Variants in GRID2 observed in about 807,000 individuals in gnomAD.
GRID2 encodes the protein glutamate ionotropic receptor delta type subunit 2, also known as glutamate receptor ionotropic, delta-2.
A neutral mutation model predicts 114.8 loss-of-function variants in GRID2; 33 were observed. The observed-to-expected ratio is 0.29, with a 90% CI of 0.22 to 0.38. The LOEUF (loss-of-function observed/expected upper bound fraction) is 0.38. GRID2 is among the 10% of genes least tolerant of loss of function. The pLI, the probability that GRID2 is intolerant of heterozygous loss-of-function variation, is 1.00. For synonymous variants in GRID2, 505 were observed against 449.9 expected, an observed-to-expected ratio of 1.12 and a Z score of -1.55; for missense variants, 1,184 against 1,257.7, an observed-to-expected ratio of 0.94 and a Z score of 0.89.
chr4:93,572,206 G>A (rs1015350546), intron 13 of GRID2, among the ~76,000 whole-genome samples: 4 of 152,032 alleles, frequency 2.6e-5, no homozygotes, highest in African/African-American at 9.7e-5. Context: ...TGAACTATCT[G>A]ATACGTCTAT....
At chr4:93,385,575 A>C (rs1156465850) in intron 8 of GRID2, among the ~76,000 whole-genome samples, 1 of 152,178 alleles carries the variant, frequency 6.6e-6, no homozygotes, top group Non-Finnish European at 1.5e-5. Flanking sequence ...AGAAGAGGCA[A>C]AGATCTTTGC....
At chr4:92,453,206 G>A (rs1042641812) in intron 1 of GRID2, among the ~76,000 whole-genome samples, 4 of 152,104 alleles carry the variant, frequency 2.6e-5, no homozygotes, top group Admixed American at 2.6e-4. Flanking sequence ...AAACATTGAA[G>A]CAGTTCTGAT....
intron 8 of GRID2, among the ~76,000 whole-genome samples, chr4:93,275,429 T>TAC (rs1751944841): frequency 1.3e-5 from 1 of 74,272 alleles, no homozygotes; most frequent in Non-Finnish European, 2.5e-5. Context: ...GTTGGATATA[T>TAC]ACATATATAT....
At chr4:93,739,902 C>A (rs1202242802) in intron 14 of GRID2, among the ~76,000 whole-genome samples, 1 of 152,124 alleles carries the variant, frequency 6.6e-6, no homozygotes, top group Non-Finnish European at 1.5e-5. Context: ...TTAATAGTCA[C>A]AATAACCCTA....
chr4:93,353,252 A>T (rs563985025), intron 8 of GRID2, among the ~76,000 whole-genome samples: 1 of 152,134 alleles, frequency 6.6e-6, no homozygotes, highest in African/African-American at 2.4e-5. Flanking sequence ...AGCTGTCACC[A>T]GATGTAACTT....
chr4:93,614,500 A>G lies in GRID2; in HGVS notation c.2194-11769A>G, dbSNP rs776333600. 2.0e-5 allele frequency among the ~76,000 whole-genome samples: 3 copies of G among 152,162 alleles called. No individual in the cohort carries two copies. In the South Asian group the frequency reaches 6.2e-4, roughly 31 times the overall value. On this transcript the variant is annotated intron_variant, in intron 13 of 15. Coordinates refer to ENST00000282020, the MANE Select transcript of GRID2 (RefSeq NM_001510.4). ...TAAAATATAGTGTGTAATAATAATT[A>G]TATATGTTTTATTACTTTAACATAA...
chr4:93,589,047 T>G (rs1014633662), intron 13 of GRID2, among the ~76,000 whole-genome samples: 2 of 151,788 alleles, frequency 1.3e-5, no homozygotes, highest in Admixed American at 1.3e-4. Context: ...TTTTTATTAT[T>G]TATTTATTTT....
chr4:92,814,617 C>T (rs763608071), intron 2 of GRID2, among the ~76,000 whole-genome samples: 40 of 152,080 alleles, frequency 2.6e-4, no homozygotes, highest in Admixed American at 1.4e-3. Context: ...TAAGGGGTGC[C>T]ATCTTCGTAG....
intron 14 of GRID2, among the ~76,000 whole-genome samples, chr4:93,681,015 G>C (rs1018106357): frequency 4.6e-5 from 7 of 151,392 alleles, no homozygotes; most frequent in Non-Finnish European, 1.0e-4. Flanking sequence ...TGACATGATT[G>C]TATATCTAGA....
intron 2 of GRID2, among the ~76,000 whole-genome samples, chr4:92,666,819 A>C (rs1489222612): frequency 1.3e-5 from 2 of 151,196 alleles, no homozygotes; most frequent in Non-Finnish European, 3.0e-5. Flanking sequence ...AAAAAACCTC[A>C]CTTGAGCTTT....
chr4:93,057,214 C>T (rs1727340700), intron 2 of GRID2, among the ~76,000 whole-genome samples: 1 of 150,902 alleles, frequency 6.6e-6, no homozygotes, highest in African/African-American at 2.4e-5. Context: ...TCTTAGACAT[C>T]TTAGTATATT....
At chr4:93,768,986 T>C (rs1387641769) in intron 14 of GRID2, among the ~76,000 whole-genome samples, 3 of 127,788 alleles carry the variant, frequency 2.3e-5, no homozygotes, top group East Asian at 2.6e-4. Flanking sequence ...GAGGGTGGGA[T>C]GGGTGAAGAG....
chr4:93,315,449 G>C (rs1351382172), intron 8 of GRID2, among the ~76,000 whole-genome samples: 1 of 152,120 alleles, frequency 6.6e-6, no homozygotes, highest in African/African-American at 2.4e-5. Context: ...GTTTCTAGGA[G>C]TGTCCCCCTC....
At chr4:92,606,283 T>C (rs1729445631) in intron 2 of GRID2, among the ~76,000 whole-genome samples, 1 of 152,032 alleles carries the variant, frequency 6.6e-6, no homozygotes, top group Non-Finnish European at 1.5e-5. Flanking sequence ...TTTCTCCTGA[T>C]CTTTATACTG....
intron 10 of GRID2, among the ~76,000 whole-genome samples, chr4:93,429,243 T>G (rs1293569026): frequency 6.6e-6 from 1 of 152,188 alleles, no homozygotes; most frequent in Non-Finnish European, 1.5e-5. Flanking sequence ...GAAATCTGGT[T>G]TGCAGATTCC....
intron 1 of GRID2, among the ~76,000 whole-genome samples, chr4:92,536,649 A>C (rs187026743): frequency 5.9e-4 from 90 of 152,310 alleles, no homozygotes; most frequent in African/African-American, 2.1e-3. Context: ...GAATATGGAA[A>C]TATCTTCAAA....
rs1050048215 is a variant in GRID2 at position 92,304,784 on chromosome 4, T to C, written c.88+40T>C. On this transcript the variant is annotated intron_variant, in intron 1 of 15. Transcript: ENST00000282020. ...GTGCAGCTCGTGGTTACTTTTACCG[T>C]TTCAGTTCTCAAATGTTTCCCCTTC... is the stretch of plus-strand genomic sequence containing the variant. 2.9e-6 allele frequency: 4 copies of C among 1,383,644 alleles called. No individual in the cohort carries two copies. The Admixed American group carries it at 6.7e-5, about 23-fold the overall frequency. 85.7% of individuals were successfully genotyped at this position (1,383,644 alleles called of 1,614,324 possible). A position where few individuals can be genotyped will look rare whatever the true frequency, so the allele number is the denominator to read the frequency against.
chr4:93,787,759 G>A (rs1013972712), intron 1 of GRID2, among the ~76,000 whole-genome samples: 1 of 152,080 alleles, frequency 6.6e-6, no homozygotes, highest in Non-Finnish European at 1.5e-5. Flanking sequence ...TTATTGAATG[G>A]AACGATTGAT....
chr4:92,678,219 G>A (rs916646470), intron 2 of GRID2, among the ~76,000 whole-genome samples: 17 of 151,884 alleles, frequency 1.1e-4, no homozygotes, highest in Non-Finnish European at 2.9e-5. Context: ...CTTCTCTGCT[G>A]TACTTTTCTT....
Sources: allele counts gnomAD v4.1 joint callset (sites outside exome capture counted in the v4.1 genomes callset), GRCh38; gene constraint gnomAD v4.1.1; transcripts MANE v1.5; gene names NCBI Gene and HGNC (gene_info 2026-07-23, HGNC 2026-07-21).